KANSL1: variants seen among roughly 807,000 people sequenced by gnomAD.
KANSL1 encodes MLL1/MLL complex subunit KANSL1.
KANSL1 carries 22 observed loss-of-function variants against 103.6 expected under a neutral mutation model. The ratio of observed to expected loss-of-function variants is 0.21; its 90% CI spans 0.15 to 0.30. KANSL1 has a LOEUF of 0.30. Among genes scored for constraint, KANSL1 ranks in the 10% least tolerant of loss-of-function variants. The probability of loss-of-function intolerance (pLI) is 1.00; values close to 1 mark genes in which losing one functional copy is unlikely to be tolerated. For synonymous variants in KANSL1, 600 were observed against 527.6 expected (o/e 1.14, Z -1.88); for missense variants, 1,337 against 1,399.8 (o/e 0.96, Z 0.72).
At chr17:46,045,945 T>TG (rs2077490067) in intron 7 of KANSL1, 1 of 152,242 alleles carries the variant, frequency 6.6e-6, no homozygotes, top group Non-Finnish European at 1.5e-5. Flanking sequence ...TTCCTGTCCT[T>TG]CTTCAAGTAT....
At chr17:46,047,529 G>A (rs1035288006) in intron 7 of KANSL1, among the ~76,000 whole-genome samples, 2 of 152,166 alleles carry the variant, frequency 1.3e-5, no homozygotes, top group African/African-American at 4.8e-5. Context: ...GTTTACACCT[G>A]TAATCCCAGC....
intron 4 of KANSL1, among the ~76,000 whole-genome samples, chr17:46,073,427 T>C (rs1414719363): frequency 6.6e-6 from 1 of 152,158 alleles, no homozygotes; most frequent in Admixed American, 6.5e-5. Flanking sequence ...ACGTCAAATC[T>C]AGTATTTTAA....
chr17:46,105,865 T>TCACACACACACACACACACACA (rs373943708), intron 2 of KANSL1, among the ~76,000 whole-genome samples: 5 of 134,594 alleles, frequency 3.7e-5, no homozygotes, highest in African/African-American at 1.2e-4. Flanking sequence ...AGCAAGACCT[T>TCACACACACACACACACACACA]CACACACACA....
rs1374796970 is a variant in KANSL1 at position 46,206,645 on chromosome 17, A to G, written c.-90+17026T>C. Among the ~76,000 whole-genome samples, 7 of 152,268 alleles carry G rather than the reference A, an allele frequency of 4.6e-5. 1 individual carries two copies. The South Asian group carries it at 8.3e-4, about 18-fold the overall frequency. On this transcript the variant is annotated intron_variant, in intron 1 of 14. Transcript: ENST00000572904. Reference sequence around the variant, plus strand: ...TGCAGTAGAATGAAGCTGGACCACTATATCTCACACCATACACAAAAATTA... The same window carrying G: ...TGCAGTAGAATGAAGCTGGACCACTGTATCTCACACCATACACAAAAATTA...
chr17:46,074,960 TTC>T (rs1255982791), intron 4 of KANSL1, among the ~76,000 whole-genome samples: 5 of 152,194 alleles, frequency 3.3e-5, no homozygotes, highest in African/African-American at 9.6e-5. Flanking sequence ...GTACAGTATC[TTC>T]TGTGGCATTC....
chr17:46,099,099 G>A (rs768423172), intron 2 of KANSL1, among the ~76,000 whole-genome samples: 4 of 113,514 alleles, frequency 3.5e-5, no homozygotes, highest in South Asian at 2.4e-4. Context: ...CGAGGCAGGC[G>A]GATCACGAGG....
At chr17:46,219,235 G>A (rs1344130665) in intron 1 of KANSL1, among the ~76,000 whole-genome samples, 2 of 145,876 alleles carry the variant, frequency 1.4e-5, no homozygotes, top group African/African-American at 5.2e-5. Context: ...ACAACAAAGC[G>A]AGACTCTTGT....
At chr17:46,067,770 G>A (rs1475719923) in intron 4 of KANSL1, 103 bp from the exon 5 acceptor site, 7 of 655,120 alleles carry the variant, frequency 1.1e-5, no homozygotes, top group Non-Finnish European at 1.9e-5. Context: ...AACTTCTGAT[G>A]ATCAATTTGA....
In KANSL1 at chr17:46,171,232, G is replaced by A. The variant is rs1175646397; in HGVS notation, c.912C>T (p.Arg304=). 4 of 1,614,028 alleles carry A rather than the reference G, an allele frequency of 2.5e-6. No homozygotes were observed. Among genetic ancestry groups the A allele is most frequent in the Admixed American group, 3.3e-5 (2 of 59,992 alleles). The change falls in exon 2 of 15, where the codon CGC becomes CGT. Residue 304 remains arginine, a synonymous_variant. Transcript: ENST00000432791. ...CCTGCTTGGCTTGCACAACCTGTAA[G>A]CGCTTTTGTAATCTGCGGGCACGGC... is the stretch of plus-strand genomic sequence containing the variant. ...IESRARRLQK[R]LQVVQAKQVE... is the part of the protein sequence containing the mutation.
Position 46,171,599 on chromosome 17 carries a change from G to C in KANSL1, c.545C>G (p.Ala182Gly), listed in dbSNP as rs761064159. The C allele has an allele frequency of 6.3e-7, 1 of 1,587,060 alleles. No individual in the cohort carries two copies. Among genetic ancestry groups the C allele is most frequent in the Non-Finnish European group, 8.6e-7 (1 of 1,169,218 alleles). ...NSTSLNGGKRALTSSALHGGE... is the reference protein window; with the variant it reads ...NSTSLNGGKRGLTSSALHGGE... The stretch of plus-strand genomic sequence containing the variant: ...CCCATGAAGAGCAGATGAAGTGAGA[G>C]CCCGTTTTCCCCCATTGAGGGAAGT... Residue 182 changes from alanine to glycine, a missense_variant, in exon 2 of 15, where the codon GCT (alanine) becomes GGT (glycine). Around this residue, in one of 2 missense-constraint regions of KANSL1, gnomAD observed 557 missense variants for 476.4 expected, o/e 1.17. Transcript: ENST00000432791.
At chr17:46,089,320 T>C (rs2079287204) in intron 3 of KANSL1, among the ~76,000 whole-genome samples, 2 of 152,232 alleles carry the variant, frequency 1.3e-5, no homozygotes, top group African/African-American at 4.8e-5. Flanking sequence ...CTTCACAGCT[T>C]GGAAGGTAAT....
chr17:46,056,679 T>C lies in KANSL1; in HGVS notation c.1849-5975A>G, dbSNP rs566372846. On this transcript the variant is annotated intron_variant, in intron 6 of 14. Transcript: ENST00000432791. ...TTCTTAACACTGTATAATATGATCATTGATAAGTCACATGACATCCTTAAA... is the reference window on the plus strand; with the variant it reads ...TTCTTAACACTGTATAATATGATCACTGATAAGTCACATGACATCCTTAAA... Among the ~76,000 whole-genome samples the C allele has an allele frequency of 5.0e-4, 76 of 152,344 alleles. 1 individual carries two copies. The highest frequency in any genetic ancestry group is 8.7e-4 in the Non-Finnish European group (59 of 68,038).
At chr17:46,143,910 A>G (rs1050359626) in intron 2 of KANSL1, among the ~76,000 whole-genome samples, 4 of 152,074 alleles carry the variant, frequency 2.6e-5, no homozygotes, top group African/African-American at 9.7e-5. Context: ...CCACAGAGCT[A>G]GTAAAATTAT....
chr17:46,032,225 G>T lies in KANSL1; in HGVS notation c.2912C>A (p.Ser971Tyr). Residue 971 changes from serine to tyrosine, a missense_variant, in exon 14 of 15, where the codon TCC becomes TAC. Ser to Tyr is a moderately radical substitution (Grantham distance 144). This residue lies in a region of KANSL1 where 780 missense variants were observed against 923.4 expected (regional missense o/e 0.84). Coordinates refer to ENST00000432791, the MANE Select transcript of KANSL1 (RefSeq NM_015443.4). ...AGAGTGGCTACTGCTGACATCAGGG[G>T]AGGCAGGCTGGGGGGTGGAGGGGTT... ...SANPSTPQPA[S>Y]PDVSSSHSLS... is the part of the protein sequence containing the mutation. 1 of 1,586,770 alleles carries T rather than the reference G, an allele frequency of 6.3e-7. No homozygotes were observed. Among genetic ancestry groups the T allele is most frequent in the Non-Finnish European group, 8.6e-7 (1 of 1,163,574 alleles).
intron 1 of KANSL1, among the ~76,000 whole-genome samples, chr17:46,199,028 T>C (rs545453996): frequency 7.2e-5 from 11 of 152,374 alleles, no homozygotes; most frequent in African/African-American, 2.6e-4. Flanking sequence ...AACTGAGGCA[T>C]GTTCTCACAT....
intron 6 of KANSL1, among the ~76,000 whole-genome samples, chr17:46,066,238 T>C (rs1264452512): frequency 1.3e-5 from 2 of 152,200 alleles, no homozygotes; most frequent in Non-Finnish European, 2.9e-5. Flanking sequence ...ACTATTCTCC[T>C]TCAAAGTGTT....
rs1568424475 is a variant in KANSL1 at position 46,080,014 on chromosome 17, GGAGAGAGAGACA to G, written c.1533+2415_1533+2426del. ...GAAAGAGAGAAAAAGAAGAGAGAGG[GGAGAGAGAGACA>G]GAGAGAGAGAGAAAGAAAAAGAAAA... is the stretch of plus-strand genomic sequence containing the variant. On this transcript the variant is annotated intron_variant, in intron 4 of 14. Coordinates refer to ENST00000432791, the MANE Select transcript of KANSL1 (RefSeq NM_015443.4). Among the ~76,000 whole-genome samples the G allele has an allele frequency of 3.4e-4, 51 of 150,924 alleles. 1 individual carries two copies. The South Asian group carries it at 0.01, about 31-fold the overall frequency.
At chr17:46,161,196 C>T (rs1039974999) in intron 2 of KANSL1, among the ~76,000 whole-genome samples, 1 of 141,614 alleles carries the variant, frequency 7.1e-6, no homozygotes, top group East Asian at 2.1e-4. Flanking sequence ...GGGCTGATCA[C>T]GAGGTCAGCA....
intron 2 of KANSL1, among the ~76,000 whole-genome samples, chr17:46,137,964 A>G (rs1259899658): frequency 6.6e-6 from 1 of 152,214 alleles, no homozygotes; most frequent in Non-Finnish European, 1.5e-5. Context: ...GTGTGTTAAA[A>G]TTTGTTCTCA....
Sources: allele counts gnomAD v4.1 joint callset (sites outside exome capture counted in the v4.1 genomes callset), GRCh38; gene constraint gnomAD v4.1.1; regional missense constraint gnomAD v4.1.1; transcripts MANE v1.5; gene names NCBI Gene and HGNC (gene_info 2026-07-23, HGNC 2026-07-21).